CD46: variants seen among roughly 807,000 people sequenced by gnomAD.
CD46 encodes membrane cofactor protein.
A neutral mutation model predicts 53.3 loss-of-function variants in CD46; 30 were observed. That is an observed-to-expected ratio of 0.56 (90% CI 0.42 to 0.76). The LOEUF is 0.76. CD46 is among the 30% of genes least tolerant of loss of function. The pLI is 0.00. For missense variants in CD46, 409 were observed against 463.0 expected, an observed-to-expected ratio of 0.88 and a Z score of 1.07; for synonymous variants, 142 against 152.0, an observed-to-expected ratio of 0.93 and a Z score of 0.48.
chr1:207,775,199 G>A (rs1558066717), intron 8 of CD46, among the ~76,000 whole-genome samples: 3 of 152,108 alleles, frequency 2.0e-5, no homozygotes, highest in Admixed American at 6.6e-5. Flanking sequence ...CATGCGTCAC[G>A]AAGTTCTTGT....
At chr1:207,771,012 C>T (rs1657457047) in intron 8 of CD46, among the ~76,000 whole-genome samples, 1 of 152,152 alleles carries the variant, frequency 6.6e-6, no homozygotes, top group Non-Finnish European at 1.5e-5. Context: ...ATTTACAGTC[C>T]CACCAACAGT....
At chr1:207,754,446 C>T (rs1312598709) in intron 1 of CD46, among the ~76,000 whole-genome samples, 1 of 152,182 alleles carries the variant, frequency 6.6e-6, no homozygotes, top group Non-Finnish European at 1.5e-5. Flanking sequence ...CTTGTAATCA[C>T]CCTTTTAAAA....
At chr1:207,791,113 G>C (rs1473733005) in intron 12 of CD46, among the ~76,000 whole-genome samples, 1 of 152,206 alleles carries the variant, frequency 6.6e-6, no homozygotes, top group Non-Finnish European at 1.5e-5. Context: ...GGTTACAGGA[G>C]GAAAGGGAAA....
At chr1:207,779,934 C>CTTTTTTTTTTTTTTTTTTTTTTT (rs1571665179) in intron 8 of CD46, among the ~76,000 whole-genome samples, 3 of 27,146 alleles carry the variant, frequency 1.1e-4, no homozygotes, top group East Asian at 1.8e-3. Context: ...TTTTTTTTTA[C>CTTTTTTTTTTTTTTTTTTTTTTT]TGTAGTACTA....
Position 207,761,259 on chromosome 1 carries a change from T to C in CD46, c.486T>C (p.Cys162=), listed in dbSNP as rs772135875. ...GKPPICEKVL[C]TPPPKIKNGK... is the part of the protein sequence containing the mutation. The stretch of plus-strand genomic sequence containing the variant: ...TTCTTCATTTTTAAGAGGTTTTGTG[T>C]ACACCACCTCCAAAAATAAAAAATG... The change falls in exon 5 of 13, where the codon TGT becomes TGC. Residue 162 remains cysteine (C), a synonymous_variant. Transcript: ENST00000367042. 2 of 1,605,762 alleles carry C rather than the reference T, an allele frequency of 1.2e-6. No individual in the cohort carries two copies. Among genetic ancestry groups the C allele is most frequent in the Non-Finnish European group, 8.5e-7 (1 of 1,172,758 alleles).
intron 5 of CD46, among the ~76,000 whole-genome samples, chr1:207,765,790 T>G (rs1011483471): frequency 1.3e-5 from 2 of 152,202 alleles, no homozygotes; most frequent in African/African-American, 4.8e-5. Flanking sequence ...AAACATACTC[T>G]TATCATACAA....
At chr1:207,767,292 TAACTG>T in intron 6 of CD46, 97 bp downstream of exon 6, 5 of 1,099,150 alleles carry the variant, frequency 4.5e-6, no homozygotes, top group Non-Finnish European at 7.0e-6. Flanking sequence ...TCATACAAAA[TAACTG>T]AAAAGAAACA....
rs573909363 is a variant in CD46, at chr1:207,756,886, A to G, written c.98-128A>G. The G allele has an allele frequency of 3.4e-5, 25 of 744,378 alleles. No individual in the cohort carries two copies. The East Asian group carries it at 6.3e-4, about 19-fold the overall frequency. The allele number at this position is 744,378 out of a possible 1,614,324, so 46.1% of individuals were successfully genotyped here. A position where few individuals can be genotyped will look rare whatever the true frequency, so the allele number is the denominator to read the frequency against. On this transcript the variant is annotated intron_variant, in intron 1 of 12. Transcript: ENST00000367042. ...ATGAGCACTCAGGTAAAAGCATGGA[A>G]CAGTCATTTAAAATCTTGCCAAGGG...
At position 207,767,657 on chromosome 1, in the gene CD46, G is replaced by A. The variant is rs199930181; in HGVS notation, c.857-122G>A. The stretch of plus-strand genomic sequence containing the variant: ...TCCAGCTTTGAGTCATTCAGGTTTA[G>A]TAGCTTCTTCCTTATATGTCTTCTT... On this transcript the variant is annotated intron_variant, in intron 6 of 12. Coordinates refer to ENST00000367042, the MANE Select transcript of CD46 (RefSeq NM_172351.3). The A allele has an allele frequency of 1.2e-4, 189 of 1,612,006 alleles. No homozygotes were observed. The highest frequency in any genetic ancestry group is 2.8e-4 in the Admixed American group (17 of 60,016).
Position 207,752,145 on chromosome 1 carries a change from C to T in CD46, c.-68C>T. ...CCATATCTGGACCCAGAAGGGACTT[C>T]CCTGCTCGGCTGGCTCTCGGTTTCT... is the stretch of plus-strand genomic sequence containing the variant. On this transcript the variant is annotated 5_prime_UTR_variant, in exon 1 of 13. Transcript: ENST00000367042. The surrounding 1 kb of genome is among the most constrained non-coding windows in gnomAD (Gnocchi z 4.1). 1 of 1,432,814 alleles carries T rather than the reference C, an allele frequency of 7.0e-7. No individual in the cohort carries two copies. The highest frequency in any genetic ancestry group is 2.3e-5 in the East Asian group (1 of 44,072). The allele number at this position is 1,432,814 out of a possible 1,614,324, so 88.8% of individuals were successfully genotyped here. A position where few individuals can be genotyped will look rare whatever the true frequency, so the allele number is the denominator to read the frequency against.
chr1:207,788,360 CAA>C (rs1205954774), intron 11 of CD46, among the ~76,000 whole-genome samples: 99 of 80,092 alleles, frequency 1.2e-3, no homozygotes, highest in Middle Eastern at 6.7e-3. Flanking sequence ...ACTAAAAATA[CAA>C]AAAAAAAAAA....
In CD46 at chr1:207,752,802, G is replaced by A. The variant is rs1655070863; in HGVS notation, c.97+493G>A. On this transcript the variant is annotated intron_variant, in intron 1 of 12. Transcript: ENST00000367042. The surrounding 1 kb of genome is among the most constrained non-coding windows in gnomAD (Gnocchi z 4.1). ...TGCGTCTGCTGTGCCCCATGTGCTGGGCTGGGCGAGCAGGGGCCTGGCCAG... is the reference window on the plus strand; with the variant it reads ...TGCGTCTGCTGTGCCCCATGTGCTGAGCTGGGCGAGCAGGGGCCTGGCCAG... Among the ~76,000 whole-genome samples, 1 of 152,186 alleles carries A rather than the reference G, an allele frequency of 6.6e-6. No homozygotes were observed. Among genetic ancestry groups the A allele is most frequent in the African/African-American group, 2.4e-5 (1 of 41,442 alleles).
At position 207,793,845 on chromosome 1, in the gene CD46, A is replaced by AC; in HGVS notation, c.*368_*369insC. The AC allele has an allele frequency of 2.1e-6, 1 of 486,168 alleles. No homozygotes were observed. Among genetic ancestry groups the AC allele is most frequent in the Non-Finnish European group, 3.7e-6 (1 of 268,730 alleles). The allele number at this position is 486,168 out of a possible 1,614,324, so 30.1% of individuals were successfully genotyped here. ...TCAGCACAGCATGCCTGGTTGTATT[A>AC]AAGCAGGGATATGCTGTATTTTATA... On this transcript the variant is annotated 3_prime_UTR_variant, in exon 13 of 13. Transcript: ENST00000367042.
At chr1:207,785,594 T>A (rs368638044) in intron 10 of CD46, 25 bp from the exon 11 acceptor site, 61 of 1,540,748 alleles carry the variant, frequency 4.0e-5, no homozygotes, top group Non-Finnish European at 5.2e-5. Flanking sequence ...GAATTATATG[T>A]CATTTGTTTC....
intron 10 of CD46, 80 bp from the exon 11 acceptor site, chr1:207,785,539 A>G: frequency 4.0e-6 from 4 of 1,006,222 alleles, no homozygotes; most frequent in Non-Finnish European, 6.4e-6. Context: ...TGTAACCAAC[A>G]TTTATTTCTT....
intron 6 of CD46, 94 bp from the exon 7 acceptor site, chr1:207,767,685 T>C: frequency 6.2e-7 from 1 of 1,601,822 alleles, no homozygotes; most frequent in Non-Finnish European, 8.6e-7. Flanking sequence ...GTCTTCTTCC[T>C]TATATGTTAC....
rs796895934 is a variant in CD46, at chr1:207,753,686, C to CA, written c.97+1387dup. 6.6e-3 allele frequency among the ~76,000 whole-genome samples: 976 copies of CA among 147,008 alleles called. 14 individuals carry two copies. The highest frequency in any genetic ancestry group is 0.021 in the African/African-American group (835 of 40,198). On this transcript the variant is annotated intron_variant, in intron 1 of 12. Transcript: ENST00000367042. ...ACCCTGTCAAAACAAAACAAACAAACAAAAAAAAAACCCGCTAAGAAATAC... is the reference window on the plus strand; with the variant it reads ...ACCCTGTCAAAACAAAACAAACAAACAAAAAAAAAAACCCGCTAAGAAATAC...
At chr1:207,760,238 AAAT>A (rs1404695757) in intron 4 of CD46, 1 of 152,974 alleles carries the variant, frequency 6.5e-6, no homozygotes, top group Non-Finnish European at 1.5e-5. Context: ...TTTTTATGAA[AAAT>A]AATAATTTTC....
Position 207,752,194 on chromosome 1 carries a change from A to T in CD46, c.-19A>T, listed in dbSNP as rs766283340. ...CTCTGCTTTCCTCCGGAGAAATAAC[A>T]GCGTCTTCCGCGCCGCGCATGGAGC... On this transcript the variant is annotated 5_prime_UTR_variant, in exon 1 of 13. Coordinates refer to ENST00000367042, the MANE Select transcript of CD46 (RefSeq NM_172351.3). The surrounding 1 kb of genome is among the most constrained non-coding windows in gnomAD (Gnocchi z 4.1). The T allele has an allele frequency of 9.9e-6, 16 of 1,611,082 alleles. No homozygotes were observed. In the Admixed American group the frequency reaches 2.7e-4, roughly 27 times the overall value.
Sources: allele counts gnomAD v4.1 joint callset (sites outside exome capture counted in the v4.1 genomes callset), GRCh38; gene constraint gnomAD v4.1.1; non-coding constraint Gnocchi (gnomAD v3.1); transcripts MANE v1.5; gene names NCBI Gene and HGNC (gene_info 2026-07-23, HGNC 2026-07-21).